Variants in IFT81 observed in about 807,000 individuals in gnomAD.
The protein encoded by IFT81 is intraflagellar transport protein 81 homolog.
IFT81 carries 72 observed loss-of-function variants against 102.6 expected under a neutral mutation model. That is an observed-to-expected ratio of 0.70 (90% CI 0.58 to 0.85). IFT81 has a LOEUF of 0.85. IFT81 is among the 40% of genes least tolerant of loss of function. The pLI is 0.00. For synonymous variants in IFT81, 237 were observed against 242.7 expected, an observed-to-expected ratio of 0.98 and a Z score of 0.22; for missense variants, 723 against 787.3, an observed-to-expected ratio of 0.92 and a Z score of 0.98.
At chr12:110,154,849 C>A (rs1418637059) in intron 10 of IFT81, among the ~76,000 whole-genome samples, 6 of 152,080 alleles carry the variant, frequency 3.9e-5, no homozygotes, top group Admixed American at 2.6e-4. Flanking sequence ...GTGGTGAGAT[C>A]TCAGCCTCTA....
At chr12:110,126,201 C>T (rs1893829986) in intron 1 of IFT81, among the ~76,000 whole-genome samples, 2 of 151,300 alleles carry the variant, frequency 1.3e-5, no homozygotes, top group Non-Finnish European at 2.9e-5. Flanking sequence ...TGGCTTGAAC[C>T]TGGGAGGCGG....
intron 14 of IFT81, among the ~76,000 whole-genome samples, chr12:110,193,657 A>G (rs931706624): frequency 2.6e-5 from 4 of 152,234 alleles, no homozygotes; most frequent in African/African-American, 9.6e-5. Flanking sequence ...ACAAAAATAC[A>G]TTATGACACT....
chr12:110,217,501 A>C (rs1172581717), intron 18 of IFT81, among the ~76,000 whole-genome samples: 1 of 151,584 alleles, frequency 6.6e-6, no homozygotes, highest in Non-Finnish European at 1.5e-5. Context: ...CACTTTCCTA[A>C]CTATCTTTTT....
chr12:110,150,831 T>A (rs1254257393), intron 10 of IFT81, among the ~76,000 whole-genome samples: 2 of 152,200 alleles, frequency 1.3e-5, no homozygotes, highest in Admixed American at 6.5e-5. Context: ...AGGTATTTTT[T>A]AAATTTCACA....
chr12:110,163,327 G>A (rs11065249), intron 11 of IFT81, among the ~76,000 whole-genome samples: 3,512 of 151,612 alleles, frequency 0.023, 122 homozygotes, highest in African/African-American at 0.079. Flanking sequence ...TGCAACCTCC[G>A]CCTACCAGGT....
intron 13 of IFT81, 31 bp downstream of exon 13, chr12:110,191,079 A>T: frequency 6.3e-7 from 1 of 1,577,534 alleles, no homozygotes; most frequent in Non-Finnish European, 8.6e-7. Context: ...ATTTTCTTTT[A>T]TTGTGTAGCT....
At chr12:110,208,981 T>G (rs1159018623) in intron 17 of IFT81, among the ~76,000 whole-genome samples, 190 bp from the exon 18 acceptor site, 1 of 152,166 alleles carries the variant, frequency 6.6e-6, no homozygotes, top group East Asian at 1.9e-4. Context: ...TTCCTTAAAT[T>G]ACTATTTACT....
chr12:110,216,391 T>C (rs1870124873), intron 18 of IFT81: 1 of 406,204 alleles, frequency 2.5e-6, no homozygotes, highest in Admixed American at 3.1e-5. Context: ...AGAGACAGAG[T>C]ATCATGTTAC....
intron 14 of IFT81, among the ~76,000 whole-genome samples, chr12:110,196,343 ACT>A (rs1898001380): frequency 6.6e-6 from 1 of 152,092 alleles, no homozygotes; most frequent in African/African-American, 2.4e-5. Context: ...ACATGGCGAA[ACT>A]CTGTCTCTAC....
Position 110,163,014 on chromosome 12 carries a change from G to A in IFT81, c.1137G>A (p.Lys379=). The A allele has an allele frequency of 6.2e-7, 1 of 1,614,036 alleles. No individual in the cohort carries two copies. Among genetic ancestry groups the A allele is most frequent in the Non-Finnish European group, 8.5e-7 (1 of 1,179,944 alleles). The change falls in exon 11 of 19, where the codon AAG becomes AAA. Residue 379 remains lysine (K), a synonymous_variant. Coordinates refer to ENST00000242591, the MANE Select transcript of IFT81 (RefSeq NM_014055.4). ...LASLEREASV[K]RNQTREFDGT... is the part of the protein sequence containing the mutation. The stretch of plus-strand genomic sequence containing the variant: ...GCCTAGAGAGAGAAGCATCAGTAAA[G>A]AGAAATCAGACCCGTGAATTTGATG...
At chr12:110,162,331 C>CTTTTTTTTT (rs1160267123) in intron 10 of IFT81, 8 of 100,078 alleles carry the variant, frequency 8.0e-5, no homozygotes, top group Non-Finnish European at 1.2e-4. Context: ...TAATATTTTT[C>CTTTTTTTTT]TTTTTTTTTT....
intron 12 of IFT81, among the ~76,000 whole-genome samples, chr12:110,187,623 A>AT (rs1188564518): frequency 4.6e-5 from 7 of 151,946 alleles, no homozygotes; most frequent in Non-Finnish European, 7.4e-5. Flanking sequence ...TTACTTGGTA[A>AT]TTTTTTATTG....
At position 110,128,107 on chromosome 12, in the gene IFT81, T is replaced by C; in HGVS notation, c.206T>C (p.Leu69Pro). ...ACAGCCAAACGAATGTTGAGCCTTC[T>C]TGGTATTCTTAAGTACAAACCTTCA... The part of the protein sequence containing the change: ...EQTAKRMLSL[L>P]GILKYKPSGN... Residue 69 changes from leucine (L) to proline (P), a missense_variant, in exon 3 of 19, where the codon CTT (leucine) becomes CCT (proline). By Grantham distance (98) the Leu-to-Pro change is moderately conservative. Transcript: ENST00000242591. The C allele has an allele frequency of 6.2e-7, 1 of 1,613,658 alleles. No homozygotes were observed. The highest frequency in any genetic ancestry group is 8.5e-7 in the Non-Finnish European group (1 of 1,179,572).
intron 15 of IFT81, chr12:110,204,301 A>T (rs979574291): frequency 1.7e-5 from 3 of 178,388 alleles, no homozygotes; most frequent in Admixed American, 1.1e-4. Flanking sequence ...AAGGCTCATT[A>T]TCTGCTGCCT....
In IFT81 at chr12:110,218,149, T is replaced by C. The variant is rs200265725; in HGVS notation, c.1954T>C (p.Cys652Arg). ...ACAATTAATGGAATGTAAGAAACAG[T>C]GCTTTCTGAAACAACAAAGCCAAAC... Reference protein sequence around the residue: ...LEQLMECKKQCFLKQQSQTSI... With the variant: ...LEQLMECKKQRFLKQQSQTSI... Residue 652 changes from cysteine to arginine, a missense_variant, in exon 19 of 19, where the codon TGC (cysteine) becomes CGC (arginine). By Grantham distance (180) the Cys-to-Arg change is radical (BLOSUM62 -3). Transcript: ENST00000242591. 9.9e-5 allele frequency: 158 copies of C among 1,591,834 alleles called. No homozygotes were observed. The highest frequency in any genetic ancestry group is 5.1e-4 in the Middle Eastern group (3 of 5,932).
At chr12:110,153,909 G>A (rs1255032011) in intron 10 of IFT81, among the ~76,000 whole-genome samples, 3 of 150,858 alleles carry the variant, frequency 2.0e-5, no homozygotes, top group Non-Finnish European at 3.0e-5. Flanking sequence ...GAGCCACCGC[G>A]CCCAGCCTGG....
chr12:110,148,002 C>T (rs140108294), intron 10 of IFT81, among the ~76,000 whole-genome samples: 40 of 152,120 alleles, frequency 2.6e-4, no homozygotes, highest in African/African-American at 9.4e-4. Context: ...AATTAAGATC[C>T]ATATAGGATT....
chr12:110,135,262 C>T, intron 6 of IFT81, 65 bp from the exon 7 acceptor site: 2 of 990,354 alleles, frequency 2.0e-6, no homozygotes, highest in Non-Finnish European at 3.1e-6. Flanking sequence ...GTCTGAGTCA[C>T]ATGACATGCT....
At position 110,180,551 on chromosome 12, in the gene IFT81, G is replaced by A. The variant is rs778889642; in HGVS notation, c.1318G>A (p.Glu440Lys). Residue 440 changes from glutamate (E) to lysine (K), a missense_variant, in exon 12 of 19, where the codon GAA becomes AAA. Transcript: ENST00000242591. ...TGAAGAACTTCTTAAGCAACGTCATGAAAATATTCAACAACAACTGGTAAT... is the reference window on the plus strand; with the variant it reads ...TGAAGAACTTCTTAAGCAACGTCATAAAAATATTCAACAACAACTGGTAAT... ...RTEELLKQRH[E>K]NIQQQLQTME... 4 of 1,604,966 alleles carry A rather than the reference G, an allele frequency of 2.5e-6. No individual in the cohort carries two copies. Among genetic ancestry groups the A allele is most frequent in the Non-Finnish European group, 3.4e-6 (4 of 1,173,608 alleles).
Sources: gnomAD v4.1 joint callset for allele counts (sites outside exome capture counted in the v4.1 genomes callset) on GRCh38, gnomAD v4.1.1 for gene constraint, MANE v1.5 for transcripts, NCBI Gene and HGNC (gene_info 2026-07-23, HGNC 2026-07-21) for gene names.